Variants in TLL2 observed in about 807,000 individuals in gnomAD.
TLL2 encodes the protein tolloid-like protein 2.
TLL2 carries 106 observed loss-of-function variants against 123.0 expected under a neutral mutation model. The ratio of observed to expected loss-of-function variants is 0.86; its 90% confidence interval spans 0.74 to 1.01. TLL2 has a LOEUF of 1.01. TLL2 is among the 50% of genes least tolerant of loss of function. The pLI, the probability that TLL2 is intolerant of heterozygous loss-of-function variation, is 0.00. For synonymous variants in TLL2, 494 were observed against 516.8 expected (o/e 0.96, Z 0.60); for missense variants, 1,332 against 1,336.7 (o/e 1.00, Z 0.06).
chr10:96,500,589 C>T (rs11188800), intron 1 of TLL2, among the ~76,000 whole-genome samples: 110,273 of 152,076 alleles, frequency 0.73, 40,048 homozygotes, highest in Middle Eastern at 0.81. Context: ...AGGTCAGGAG[C>T]TCGGGACCAG....
At chr10:96,496,614 A>G (rs995195104) in intron 1 of TLL2, among the ~76,000 whole-genome samples, 4 of 152,162 alleles carry the variant, frequency 2.6e-5, no homozygotes, top group African/African-American at 9.7e-5. Flanking sequence ...TCGCCTCCTC[A>G]TCTATATCAT....
At chr10:96,482,210 A>G (rs919124682) in intron 1 of TLL2, among the ~76,000 whole-genome samples, 20 of 151,782 alleles carry the variant, frequency 1.3e-4, no homozygotes, top group Non-Finnish European at 2.5e-4. Context: ...GTGAGCCGAG[A>G]TCGCGCCACT....
intron 2 of TLL2, among the ~76,000 whole-genome samples, chr10:96,476,216 T>TTTTATA (rs1705943796): frequency 3.0e-5 from 1 of 33,332 alleles, no homozygotes; most frequent in African/African-American, 8.7e-5. Flanking sequence ...CTTTTTAATT[T>TTTTATA]TATATGTATA....
chr10:96,414,756 TC>T (rs1846537881), intron 7 of TLL2, among the ~76,000 whole-genome samples: 1 of 151,800 alleles, frequency 6.6e-6, no homozygotes, highest in South Asian at 2.1e-4. Context: ...ATTCCATCCT[TC>T]TCCTGCTCAC....
At chr10:96,502,705 GA>G (rs66667922) in intron 1 of TLL2, among the ~76,000 whole-genome samples, 42,080 of 151,872 alleles carry the variant, frequency 0.28, 6,114 homozygotes, top group Middle Eastern at 0.5. Context: ...CCTGCGACCT[GA>G]AAAAGAGTTA....
chr10:96,424,593 C>T (rs1036488714), intron 5 of TLL2, among the ~76,000 whole-genome samples: 1 of 152,006 alleles, frequency 6.6e-6, no homozygotes, highest in Non-Finnish European at 1.5e-5. Flanking sequence ...ATATTTTAAG[C>T]GACATTTTTT....
chr10:96,431,214 C>A (rs1293762043), intron 4 of TLL2, among the ~76,000 whole-genome samples: 1 of 152,130 alleles, frequency 6.6e-6, no homozygotes, highest in Non-Finnish European at 1.5e-5. Flanking sequence ...AGGCACTCAC[C>A]TTTCTCTGCT....
chr10:96,400,281 G>C (rs1846380157), intron 10 of TLL2, among the ~76,000 whole-genome samples: 1 of 144,638 alleles, frequency 6.9e-6, no homozygotes, highest in Non-Finnish European at 1.5e-5. Flanking sequence ...CTGTAAGTAA[G>C]AGCAGGATTT....
At chr10:96,440,508 C>T (rs1413390508) in intron 3 of TLL2, among the ~76,000 whole-genome samples, 1 of 152,232 alleles carries the variant, frequency 6.6e-6, no homozygotes, top group Non-Finnish European at 1.5e-5. Context: ...AAGTTTGTTA[C>T]TCATTTCCCA....
intron 2 of TLL2, among the ~76,000 whole-genome samples, chr10:96,471,158 A>T (rs1387650332): frequency 1.7e-5 from 2 of 116,474 alleles, no homozygotes; most frequent in Admixed American, 9.5e-5. Context: ...TTGCCACCAC[A>T]CTTGGCTAAT....
intron 16 of TLL2, among the ~76,000 whole-genome samples, chr10:96,380,732 AAG>A (rs1846179101): frequency 6.8e-6 from 1 of 146,148 alleles, no homozygotes; most frequent in Non-Finnish European, 1.5e-5. Flanking sequence ...AAGAATGCAG[AAG>A]AGAGGCCAGG....
chr10:96,412,776 T>C (rs560727125), intron 8 of TLL2, among the ~76,000 whole-genome samples: 4 of 152,298 alleles, frequency 2.6e-5, no homozygotes, highest in South Asian at 2.1e-4. Context: ...TCTCCCTCAC[T>C]CTTTGTCTTC....
intron 7 of TLL2, among the ~76,000 whole-genome samples, chr10:96,417,495 C>A (rs1035561354): frequency 7.2e-5 from 11 of 152,206 alleles, no homozygotes; most frequent in Non-Finnish European, 1.5e-4. Flanking sequence ...GCTTCCATAC[C>A]TCCCAGTAAG....
intron 2 of TLL2, among the ~76,000 whole-genome samples, chr10:96,448,386 G>A (rs1010933415): frequency 2.6e-5 from 4 of 152,228 alleles, no homozygotes; most frequent in Admixed American, 1.3e-4. Flanking sequence ...AGCTGGAGCC[G>A]ACGCTCTGGG....
At chr10:96,402,309 A>T (rs995638147) in intron 10 of TLL2, among the ~76,000 whole-genome samples, 6 of 152,206 alleles carry the variant, frequency 3.9e-5, no homozygotes, top group Non-Finnish European at 8.8e-5. Flanking sequence ...TCCTTTCTAC[A>T]TTTGTGGTAC....
rs1589410900 is a variant in TLL2, at chr10:96,395,454, C to A, written c.1531-72G>T. ...TAAGGTTTTTGATTTAAGAAGAGAACCCAAATATCACTCTCAAAATCTAAC... is the reference window on the plus strand; with the variant it reads ...TAAGGTTTTTGATTTAAGAAGAGAAACCAAATATCACTCTCAAAATCTAAC... On this transcript the variant is annotated intron_variant, in intron 12 of 20. Transcript: ENST00000357947. 6 of 1,437,294 alleles carry A rather than the reference C, an allele frequency of 4.2e-6. No individual in the cohort carries two copies. The East Asian group carries it at 1.2e-4, about 28-fold the overall frequency. The allele number at this position is 1,437,294 out of a possible 1,614,324, so 89.0% of individuals were successfully genotyped here.
At chr10:96,467,621 T>A (rs779192118) in intron 2 of TLL2, among the ~76,000 whole-genome samples, 4 of 152,240 alleles carry the variant, frequency 2.6e-5, no homozygotes, top group Non-Finnish European at 5.9e-5. Context: ...TATGACACTA[T>A]ACTGCGAAAA....
chr10:96,417,042 G>A (rs988163526), intron 7 of TLL2, among the ~76,000 whole-genome samples: 7 of 152,160 alleles, frequency 4.6e-5, no homozygotes, highest in Non-Finnish European at 8.8e-5. Context: ...ATAAACTAGA[G>A]AGAATGAAGT....
chr10:96,371,446 G>C (rs941323889), intron 19 of TLL2, among the ~76,000 whole-genome samples: 1 of 152,148 alleles, frequency 6.6e-6, no homozygotes, highest in Non-Finnish European at 1.5e-5. Flanking sequence ...CATGCCCCCC[G>C]AGGGGCCCAG....
Sources: gnomAD v4.1 joint callset for allele counts (sites outside exome capture counted in the v4.1 genomes callset) on GRCh38, gnomAD v4.1.1 for gene constraint, MANE v1.5 for transcripts, NCBI Gene and HGNC (gene_info 2026-07-23, HGNC 2026-07-21) for gene names.